The following NAV3 variants were observed in gnomAD, a reference collection of about 807,000 sequenced individuals.
NAV3 encodes the protein neuron navigator 3.
NAV3 carries 87 observed loss-of-function variants against 244.7 expected under a neutral mutation model. The ratio of observed to expected loss-of-function variants is 0.36; its 90% CI spans 0.30 to 0.42. The LOEUF is 0.42. Ranked by LOEUF, NAV3 falls within the 20% of genes least tolerant of loss-of-function variation. NAV3 has a pLI of 1.00. For missense variants in NAV3, 2,663 were observed against 2,893.3 expected, an observed-to-expected ratio of 0.92 and a Z score of 1.83; for synonymous variants, 1,126 against 1,042.2, an observed-to-expected ratio of 1.08 and a Z score of -1.55.
At chr12:77,905,408 A>G (rs894442234) in intron 1 of NAV3, among the ~76,000 whole-genome samples, 1 of 152,120 alleles carries the variant, frequency 6.6e-6, no homozygotes, top group African/African-American at 2.4e-5. Context: ...AAAAATTACT[A>G]TAAAATTTTA....
chr12:78,081,452 T>C (rs1953347813), intron 12 of NAV3, among the ~76,000 whole-genome samples: 1 of 152,172 alleles, frequency 6.6e-6, no homozygotes, highest in African/African-American at 2.4e-5. Context: ...AGCACGTGAA[T>C]GTCAAGAGAT....
intron 24 of NAV3, among the ~76,000 whole-genome samples, chr12:78,174,577 G>C (rs1277140521): frequency 2.0e-5 from 3 of 151,872 alleles, no homozygotes; most frequent in African/African-American, 7.2e-5. Flanking sequence ...GTAAAACCTA[G>C]TTTGATTATT....
Position 78,119,391 on chromosome 12 carries a change from T to C in NAV3, c.3195T>C (p.Phe1065=). ...GAAGATCGACTGCCACCAGCTCCTT[T>C]GGCTTTAAGAAACCAAGTGGAGTAG... ...GIGRSTATSS[F]GFKKPSGVGS... The change falls in exon 15 of 40, where the codon TTT becomes TTC. Residue 1065 remains phenylalanine (F), a synonymous_variant. Coordinates refer to ENST00000397909, the MANE Select transcript of NAV3 (RefSeq NM_001024383.2). 1 of 1,614,204 alleles carries C rather than the reference T, an allele frequency of 6.2e-7. No individual in the cohort carries two copies. The highest frequency in any genetic ancestry group is 8.5e-7 in the Non-Finnish European group (1 of 1,180,038).
intron 2 of NAV3, among the ~76,000 whole-genome samples, chr12:77,772,029 T>C (rs967261603): frequency 1.3e-5 from 2 of 152,186 alleles, no homozygotes; most frequent in African/African-American, 2.4e-5. Flanking sequence ...ACAGCTAATA[T>C]TTATCATCCT....
chr12:77,918,849 G>A (rs1361719404), intron 1 of NAV3, among the ~76,000 whole-genome samples: 1 of 151,998 alleles, frequency 6.6e-6, no homozygotes, highest in Non-Finnish European at 1.5e-5. Context: ...GTTTGCTAAG[G>A]TTACATTGGG....
intron 1 of NAV3, 58 bp from the exon 2 acceptor site, chr12:77,940,261 T>A: frequency 1.6e-6 from 2 of 1,265,942 alleles, no homozygotes; most frequent in Non-Finnish European, 2.3e-6. Context: ...TCTTCAGCAT[T>A]TTATTGTCTC....
intron 9 of NAV3, among the ~76,000 whole-genome samples, chr12:78,035,050 G>A (rs1292711043): frequency 3.3e-5 from 5 of 151,994 alleles, no homozygotes; most frequent in African/African-American, 1.2e-4. Flanking sequence ...CTATAAAATG[G>A]GTCTAAGTCT....
intron 7 of NAV3, among the ~76,000 whole-genome samples, chr12:78,002,845 A>C (rs1027256992): frequency 2.6e-5 from 4 of 151,840 alleles, no homozygotes; most frequent in African/African-American, 9.7e-5. Flanking sequence ...ATCTATATCT[A>C]TATATTTATA....
intron 2 of NAV3, among the ~76,000 whole-genome samples, chr12:77,689,354 G>A: frequency 6.6e-6 from 1 of 151,810 alleles, no homozygotes; most frequent in South Asian, 2.1e-4. Context: ...AACATATCTT[G>A]TCTTCTACCA....
rs188401420 is a variant in NAV3, at chr12:77,675,032, G to T, written c.72+102766G>T. Among the ~76,000 whole-genome samples the T allele has an allele frequency of 2.3e-3, 348 of 152,262 alleles. 1 individual carries two copies. The highest frequency in any genetic ancestry group is 3.1e-3 in the Non-Finnish European group (214 of 68,020). On this transcript the variant is annotated intron_variant, in intron 2 of 8. Transcript: ENST00000550042. ...GTAGATTTTTAGGTGAGAACTGAAA[G>T]GATAGAGCATACGGTAAGTGCATTT...
chr12:78,185,778 G>C, intron 31 of NAV3, 80 bp downstream of exon 31: 1 of 1,193,686 alleles, frequency 8.4e-7, no homozygotes, highest in South Asian at 1.3e-5. Flanking sequence ...GTGAATATTT[G>C]ATCTGGTAAA....
chr12:77,703,666 C>T (rs1875661722), intron 2 of NAV3, among the ~76,000 whole-genome samples: 1 of 152,066 alleles, frequency 6.6e-6, no homozygotes, highest in Non-Finnish European at 1.5e-5. Context: ...AATTCCCTCC[C>T]AAGGGAACCA....
intron 39 of NAV3, among the ~76,000 whole-genome samples, chr12:78,206,703 A>T (rs549612482): frequency 6.6e-6 from 1 of 152,184 alleles, no homozygotes; most frequent in African/African-American, 2.4e-5. Flanking sequence ...CCTGGTTCCT[A>T]ACCTGCTGCT....
At chr12:77,867,540 C>G (rs923588447) in intron 1 of NAV3, among the ~76,000 whole-genome samples, 75 of 152,250 alleles carry the variant, frequency 4.9e-4, no homozygotes, top group Non-Finnish European at 8.8e-5. Context: ...CTGCCTCAGC[C>G]TCCCAAGTAG....
chr12:78,002,332 C>T (rs764306184), intron 7 of NAV3, among the ~76,000 whole-genome samples: 3 of 152,298 alleles, frequency 2.0e-5, no homozygotes, highest in Non-Finnish European at 4.4e-5. Context: ...TGCCATTTCT[C>T]ACCGTGATTC....
intron 2 of NAV3, among the ~76,000 whole-genome samples, chr12:77,697,698 A>G (rs1033834749): frequency 6.6e-6 from 1 of 152,180 alleles, no homozygotes; most frequent in Non-Finnish European, 1.5e-5. Context: ...AACACCCTGA[A>G]TTAAAAGAAA....
intron 30 of NAV3, among the ~76,000 whole-genome samples, chr12:78,181,480 A>G (rs1421231032): frequency 6.6e-6 from 1 of 152,072 alleles, no homozygotes; most frequent in African/African-American, 2.4e-5. Context: ...CAATAATGCT[A>G]CTGTCACCCA....
intron 4 of NAV3, 118 bp downstream of exon 4, chr12:77,966,419 G>A: frequency 1.2e-6 from 1 of 809,042 alleles, no homozygotes; most frequent in Non-Finnish European, 1.9e-6. Context: ...AAGGAAATTG[G>A]TGAAGTCTTC....
At chr12:77,683,805 A>G (rs1009911563) in intron 2 of NAV3, among the ~76,000 whole-genome samples, 1 of 151,998 alleles carries the variant, frequency 6.6e-6, no homozygotes, top group East Asian at 1.9e-4. Flanking sequence ...ATATTGTTCC[A>G]TTGTATGCAT....
Sources: gnomAD v4.1 joint callset for allele counts (sites outside exome capture counted in the v4.1 genomes callset) on GRCh38, gnomAD v4.1.1 for gene constraint, MANE v1.5 for transcripts, NCBI Gene and HGNC (gene_info 2026-07-23, HGNC 2026-07-21) for gene names.